Variants in SLC17A8 observed in about 807,000 individuals in gnomAD.
The protein encoded by SLC17A8 is solute carrier family 17 member 8.
A neutral mutation model predicts 58.0 loss-of-function variants in SLC17A8; 31 were observed. The observed-to-expected ratio is 0.53, with a 90% confidence interval of 0.40 to 0.72. The LOEUF is 0.72. Ranked by LOEUF, SLC17A8 falls within the 30% of genes least tolerant of loss-of-function variation. The pLI, the probability that SLC17A8 is intolerant of heterozygous loss-of-function variation, is 0.00. For missense variants in SLC17A8, 655 were observed against 727.8 expected (o/e 0.90, Z 1.15); for synonymous variants, 228 against 249.0 (o/e 0.92, Z 0.79).
At chr12:100,402,769 A>G (rs1324358723) in intron 8 of SLC17A8, 24 bp downstream of exon 8, 1 of 1,601,346 alleles carries the variant, frequency 6.2e-7, no homozygotes, top group Non-Finnish European at 8.5e-7. Context: ...TGCTCCAAAT[A>G]TTTTTGAACT....
At chr12:100,407,807 C>T (rs1428236203) in intron 9 of SLC17A8, among the ~76,000 whole-genome samples, 3 of 152,082 alleles carry the variant, frequency 2.0e-5, no homozygotes, top group East Asian at 3.9e-4. Flanking sequence ...GGGGTTTCAC[C>T]GTGTTAGCCA....
At chr12:100,365,266 G>A (rs983923944) in intron 1 of SLC17A8, among the ~76,000 whole-genome samples, 2 of 152,060 alleles carry the variant, frequency 1.3e-5, no homozygotes, top group African/African-American at 2.4e-5. Flanking sequence ...GATGTTTTTT[G>A]TCTGTTGTAT....
chr12:100,379,682 A>G (rs1566390944), intron 1 of SLC17A8, among the ~76,000 whole-genome samples: 1 of 152,206 alleles, frequency 6.6e-6, no homozygotes, highest in Non-Finnish European at 1.5e-5. Flanking sequence ...ATTGACAGAT[A>G]GGGTTCCGTT....
chr12:100,391,859 G>C (rs7976515), intron 3 of SLC17A8, among the ~76,000 whole-genome samples: 1 of 152,108 alleles, frequency 6.6e-6, no homozygotes, highest in Admixed American at 6.5e-5. Context: ...TGTAATCTTA[G>C]GTTAATATCA....
intron 2 of SLC17A8, among the ~76,000 whole-genome samples, chr12:100,382,925 A>T (rs12300114): frequency 0.068 from 10,400 of 152,236 alleles, 760 homozygotes; most frequent in African/African-American, 0.18. Context: ...GCCAGAGGAA[A>T]ACAGCACCAT....
At chr12:100,412,656 C>G in intron 9 of SLC17A8, 114 bp from the exon 10 acceptor site, 1 of 491,840 alleles carries the variant, frequency 2.0e-6, no homozygotes. Flanking sequence ...TAGACACAAA[C>G]AAAATAAACT....
chr12:100,409,297 C>T (rs1199362245), intron 9 of SLC17A8, among the ~76,000 whole-genome samples: 5 of 151,966 alleles, frequency 3.3e-5, no homozygotes, highest in East Asian at 1.9e-4. Flanking sequence ...GTGATTCTCC[C>T]GCCTCAGCCT....
intron 9 of SLC17A8, among the ~76,000 whole-genome samples, chr12:100,411,631 C>G (rs1025224431): frequency 2.0e-5 from 3 of 152,070 alleles, no homozygotes; most frequent in Non-Finnish European, 2.9e-5. Context: ...TGTCTCTTCC[C>G]CCTCCTAAGG....
chr12:100,375,157 C>G (rs1303407519), intron 1 of SLC17A8, among the ~76,000 whole-genome samples: 1 of 150,366 alleles, frequency 6.7e-6, no homozygotes, highest in African/African-American at 2.5e-5. Context: ...TGGTCTCGCT[C>G]TGTTTTCCAG....
chr12:100,363,042 T>C (rs1378949101), intron 1 of SLC17A8, among the ~76,000 whole-genome samples: 1 of 152,192 alleles, frequency 6.6e-6, no homozygotes, highest in Non-Finnish European at 1.5e-5. Context: ...CAGTTCTGAT[T>C]CCTCCTGAAG....
chr12:100,380,919 G>C lies in SLC17A8; in HGVS notation c.320G>C (p.Ser107Thr). Residue 107 changes from serine (S) to threonine (T), a missense_variant, in exon 2 of 12, where the codon AGC (serine) becomes ACC (threonine). Coordinates refer to ENST00000323346, the MANE Select transcript of SLC17A8 (RefSeq NM_139319.3). ...GCCATTGTGGAAATGGTCAACAATA[G>C]CACCGTATATGTTGATGGAAAACCG... ...GVAIVEMVNN[S>T]TVYVDGKPEI... 1.2e-6 allele frequency: 2 copies of C among 1,614,178 alleles called. No individual in the cohort carries two copies. Among genetic ancestry groups the C allele is most frequent in the Non-Finnish European group, 1.7e-6 (2 of 1,180,040 alleles).
In SLC17A8 at chr12:100,387,204, A is replaced by C. The variant is rs118086077; in HGVS notation, c.355-3797A>C. Among the ~76,000 whole-genome samples the C allele has an allele frequency of 4.6e-3, 698 of 152,202 alleles. 15 individuals carry two copies. The East Asian group carries it at 0.054, about 12-fold the overall frequency. Reference sequence around the variant, plus strand: ...TCTGTACTGTTTCCATGGTGGCTGCACCCATTCCCACCAACAGTATATAAG... The same window carrying C: ...TCTGTACTGTTTCCATGGTGGCTGCCCCCATTCCCACCAACAGTATATAAG... On this transcript the variant is annotated intron_variant, in intron 2 of 11. Transcript: ENST00000323346.
chr12:100,385,534 G>A (rs1952668376), intron 2 of SLC17A8, among the ~76,000 whole-genome samples: 1 of 152,150 alleles, frequency 6.6e-6, no homozygotes, highest in Admixed American at 6.5e-5. Context: ...CACCACACCT[G>A]ACTGGCTTGG....
chr12:100,406,421 C>T (rs190829337), intron 9 of SLC17A8, among the ~76,000 whole-genome samples: 6 of 152,148 alleles, frequency 3.9e-5, no homozygotes, highest in African/African-American at 1.4e-4. Context: ...GAGACGGGAT[C>T]GGGATGTTTT....
intron 1 of SLC17A8, among the ~76,000 whole-genome samples, chr12:100,361,210 G>GT (rs1952481920): frequency 6.6e-6 from 1 of 152,184 alleles, no homozygotes; most frequent in Non-Finnish European, 1.5e-5. Flanking sequence ...CTCACTCAGA[G>GT]TTAAAGCCAG....
At chr12:100,380,304 G>A (rs1370934207) in intron 1 of SLC17A8, among the ~76,000 whole-genome samples, 1 of 151,796 alleles carries the variant, frequency 6.6e-6, no homozygotes, top group African/African-American at 2.4e-5. Flanking sequence ...AGCAGGAAAT[G>A]CAGTATAGCA....
intron 2 of SLC17A8, among the ~76,000 whole-genome samples, chr12:100,390,422 CT>C (rs1369588947): frequency 6.6e-6 from 1 of 151,826 alleles, no homozygotes; most frequent in Non-Finnish European, 1.5e-5. Context: ...TCTCAGCTCA[CT>C]GCAAATTCCA....
chr12:100,359,908 G>A (rs1386420446), intron 1 of SLC17A8, among the ~76,000 whole-genome samples: 1 of 152,194 alleles, frequency 6.6e-6, no homozygotes. Context: ...GGAGCTTTTG[G>A]AAGCTAGAAG....
At chr12:100,413,031 G>A in intron 10 of SLC17A8, 151 bp downstream of exon 10, 1 of 716,170 alleles carries the variant, frequency 1.4e-6, no homozygotes, top group Non-Finnish European at 2.5e-6. Context: ...TCTAGTGGGG[G>A]TGATTTTGTA....
Sources: gnomAD v4.1 joint callset for allele counts (sites outside exome capture counted in the v4.1 genomes callset) on GRCh38, gnomAD v4.1.1 for gene constraint, MANE v1.5 for transcripts, NCBI Gene and HGNC (gene_info 2026-07-23, HGNC 2026-07-21) for gene names.